CFDP1: variants seen among roughly 807,000 people sequenced by gnomAD.
CFDP1 encodes heterochromatin-stabilizing protein CFDP1.
A neutral mutation model predicts 40.1 loss-of-function variants in CFDP1; 31 were observed. The ratio of observed to expected loss-of-function variants is 0.77; its 90% CI spans 0.58 to 1.04. The LOEUF is 1.04. Ranked by LOEUF, CFDP1 falls within the 50% of genes least tolerant of loss-of-function variation. The pLI is 0.00. For synonymous variants in CFDP1, 167 were observed against 120.0 expected (o/e 1.39, Z -2.56); for missense variants, 423 against 343.4 (o/e 1.23, Z -1.83).
intron 5 of CFDP1, among the ~76,000 whole-genome samples, chr16:75,382,355 G>C (rs529772439): frequency 1.3e-5 from 2 of 152,312 alleles, no homozygotes; most frequent in South Asian, 2.1e-4. Flanking sequence ...TATGGTGTTA[G>C]AAGTTCTACT....
chr16:75,305,515 C>T (rs1020943726), intron 5 of CFDP1: 3 of 244,736 alleles, frequency 1.2e-5, no homozygotes, highest in Non-Finnish European at 2.4e-5. Context: ...AGTCACATGC[C>T]AAGGTCCAAC....
At chr16:75,426,857 C>T (rs1214387740) in intron 1 of CFDP1, among the ~76,000 whole-genome samples, 1 of 152,008 alleles carries the variant, frequency 6.6e-6, no homozygotes, top group Non-Finnish European at 1.5e-5. Context: ...GAGTTGGAGA[C>T]CAGCCTGGCA....
chr16:75,374,261 T>C (rs1484244563), intron 5 of CFDP1, among the ~76,000 whole-genome samples: 1 of 151,822 alleles, frequency 6.6e-6, no homozygotes, highest in Non-Finnish European at 1.5e-5. Flanking sequence ...AAATAAATTA[T>C]AGAATATTCA....
chr16:75,405,262 T>A (rs2079088211), intron 4 of CFDP1, among the ~76,000 whole-genome samples: 1 of 152,250 alleles, frequency 6.6e-6, no homozygotes, highest in South Asian at 2.1e-4. Flanking sequence ...AAAAATGTAA[T>A]AAAATGTAAG....
At chr16:75,380,483 T>C (rs1299317099) in intron 5 of CFDP1, among the ~76,000 whole-genome samples, 1 of 151,668 alleles carries the variant, frequency 6.6e-6, no homozygotes, top group Non-Finnish European at 1.5e-5. Context: ...GTCTTGAGCT[T>C]ACAGGCAGTA....
At chr16:75,333,180 G>C (rs959386087) in intron 5 of CFDP1, among the ~76,000 whole-genome samples, 1 of 145,762 alleles carries the variant, frequency 6.9e-6, no homozygotes, top group African/African-American at 2.6e-5. Flanking sequence ...CTGGAGTGCA[G>C]TGGCGCGATC....
At chr16:75,406,451 C>A (rs1206060811) in intron 4 of CFDP1, 1 of 152,088 alleles carries the variant, frequency 6.6e-6, no homozygotes, top group East Asian at 1.9e-4. Context: ...ACCTGTAATC[C>A]CAGCACTTTG....
intron 3 of CFDP1, among the ~76,000 whole-genome samples, 187 bp from the exon 4 acceptor site, chr16:75,412,139 G>A (rs960982155): frequency 8.5e-5 from 13 of 152,058 alleles, no homozygotes; most frequent in African/African-American, 3.1e-4. Context: ...TTGCTTCAGC[G>A]TCCAAAGTAG....
intron 5 of CFDP1, among the ~76,000 whole-genome samples, chr16:75,336,136 T>C (rs1171321196): frequency 7.2e-5 from 11 of 152,156 alleles, no homozygotes; most frequent in Admixed American, 7.2e-4. Flanking sequence ...TCACTTAGGA[T>C]TTTAGTTGTT....
intron 5 of CFDP1, among the ~76,000 whole-genome samples, chr16:75,318,554 T>C (rs551897815): frequency 1.1e-4 from 16 of 152,126 alleles, no homozygotes; most frequent in East Asian, 3.9e-4. Flanking sequence ...TACAGGTGCA[T>C]GCTGCCATGC....
At chr16:75,432,996 C>A (rs2079442373) in intron 1 of CFDP1, among the ~76,000 whole-genome samples, 1 of 152,230 alleles carries the variant, frequency 6.6e-6, no homozygotes, top group South Asian at 2.1e-4. Context: ...TCGTTCGGGG[C>A]TGACCGACGA....
intron 1 of CFDP1, among the ~76,000 whole-genome samples, chr16:75,427,159 A>T (rs994394174): frequency 1.3e-5 from 2 of 152,196 alleles, no homozygotes; most frequent in Non-Finnish European, 2.9e-5. Flanking sequence ...TTCAAAAGAC[A>T]CACCAAAGAA....
intron 5 of CFDP1, among the ~76,000 whole-genome samples, chr16:75,308,148 G>A (rs1222010549): frequency 2.0e-5 from 3 of 152,222 alleles, no homozygotes; most frequent in Non-Finnish European, 4.4e-5. Flanking sequence ...GCCTGGACAG[G>A]TGGTGGAGCT....
Position 75,384,852 on chromosome 16 carries a change from CTATATATA to C in CFDP1, c.650+10230_650+10237del, listed in dbSNP as rs59681577. Among the ~76,000 whole-genome samples, 581 of 119,710 alleles carry C rather than the reference CTATATATA, an allele frequency of 4.9e-3. 5 individuals carry two copies. Among genetic ancestry groups the C allele is most frequent in the Admixed American group, 0.01 (127 of 12,520 alleles). 78.5% of individuals were successfully genotyped at this position (119,710 alleles called of 152,430 possible). On this transcript the variant is annotated intron_variant, in intron 5 of 6. Coordinates refer to ENST00000283882, the MANE Select transcript of CFDP1 (RefSeq NM_006324.3). ...TACAAGTTGCAAGAAGAAACTAAAA[CTATATATA>C]TATATATATATATATATATATATAT...
At position 75,416,461 on chromosome 16, in the gene CFDP1, AT is replaced by A. The variant is rs918149770; in HGVS notation, c.65-1767del. Reference sequence around the variant, plus strand: ...AAAAACTAAAACAATGATAAAAGAGATTTAAAAAAAAAAAAAAAAGGTAAAC... The same window carrying A: ...AAAAACTAAAACAATGATAAAAGAGATTAAAAAAAAAAAAAAAAGGTAAAC... On this transcript the variant is annotated intron_variant, in intron 1 of 6. Transcript: ENST00000283882. Among the ~76,000 whole-genome samples the A allele has an allele frequency of 7.9e-5, 9 of 113,354 alleles. No individual in the cohort carries two copies. The South Asian group carries it at 9.0e-4, about 11-fold the overall frequency. The allele number at this position is 113,354 out of a possible 152,430, so 74.4% of individuals were successfully genotyped here.
chr16:75,336,828 C>T (rs2078490972), intron 5 of CFDP1, among the ~76,000 whole-genome samples: 1 of 152,172 alleles, frequency 6.6e-6, no homozygotes, highest in South Asian at 2.1e-4. Flanking sequence ...AAAATGGCAC[C>T]TCCTTGTCAT....
In CFDP1 at chr16:75,412,577, A is replaced by G. The variant is rs747261438; in HGVS notation, c.360T>C (p.Asp120=). 14 of 1,614,062 alleles carry G rather than the reference A, an allele frequency of 8.7e-6. No individual in the cohort carries two copies. The South Asian group carries it at 1.5e-4, about 18-fold the overall frequency. ...EDELWASFLN[D]VGPKSKVPPS... is the part of the protein sequence containing the mutation. ...GGGGCACTTTTGATTTTGGTCCCAC[A>G]TCATTGAGGAAGCTGGCCCAGAGTT... The change falls in exon 3 of 7, where the codon GAT becomes GAC. Residue 120 remains aspartate (D), a synonymous_variant. Coordinates refer to ENST00000283882, the MANE Select transcript of CFDP1 (RefSeq NM_006324.3).
chr16:75,310,112 T>C (rs534446412), intron 5 of CFDP1, among the ~76,000 whole-genome samples: 5 of 152,326 alleles, frequency 3.3e-5, no homozygotes, highest in South Asian at 2.1e-4. Flanking sequence ...CACAATGACA[T>C]TGCAACCACC....
intron 5 of CFDP1, among the ~76,000 whole-genome samples, chr16:75,328,774 G>A (rs2078423502): frequency 6.7e-6 from 1 of 150,242 alleles, no homozygotes; most frequent in South Asian, 2.2e-4. Flanking sequence ...TGCTTCCTGG[G>A]TTCAAGCAAT....
Sources: allele counts gnomAD v4.1 joint callset (sites outside exome capture counted in the v4.1 genomes callset), GRCh38; gene constraint gnomAD v4.1.1; transcripts MANE v1.5; gene names NCBI Gene and HGNC (gene_info 2026-07-23, HGNC 2026-07-21).